WDR47: variants seen among roughly 807,000 people sequenced by gnomAD.
The protein encoded by WDR47 is WD repeat domain 47, also known as WD repeat-containing protein 47.
WDR47 carries 32 observed loss-of-function variants against 97.2 expected under a neutral mutation model. The observed-to-expected ratio is 0.33, with a 90% CI of 0.25 to 0.44. The LOEUF (loss-of-function observed/expected upper bound fraction) is 0.44, where lower values mean the gene tolerates loss of function less well. Among genes scored for constraint, WDR47 ranks in the 20% least tolerant of loss-of-function variants. The probability of loss-of-function intolerance (pLI) is 1.00; values close to 1 mark genes in which losing one functional copy is unlikely to be tolerated. For missense variants in WDR47, 782 were observed against 1,102.3 expected, an observed-to-expected ratio of 0.71 and a Z score of 4.11; for synonymous variants, 375 against 373.5, an observed-to-expected ratio of 1.00 and a Z score of -0.05.
Position 109,002,229 on chromosome 1 carries a change from A to G in WDR47, c.1428T>C (p.Leu476=), listed in dbSNP as rs751823156. The change falls in exon 7 of 15, where the codon CTT becomes CTC. Residue 476 remains leucine (L), a synonymous_variant. Transcript: ENST00000369962. ...AAAGTGATTAGAAGACCAACCTATT[A>G]AGGAACTGTTCAGTAAGATTCTGCT... ...DQQQNLTEQF[L]NRSIQKLGEL... 5 of 1,583,902 alleles carry G rather than the reference A, an allele frequency of 3.2e-6. 1 individual carries two copies. The South Asian group carries it at 5.9e-5, about 19-fold the overall frequency.
chr1:109,028,996 G>C (rs1037353002), intron 1 of WDR47, among the ~76,000 whole-genome samples: 12 of 151,936 alleles, frequency 7.9e-5, no homozygotes, highest in Non-Finnish European at 1.8e-4. Context: ...ATCCAGACTA[G>C]GTAAAGAAAT....
intron 1 of WDR47, among the ~76,000 whole-genome samples, chr1:109,040,593 TATA>T (rs1175696567): frequency 6.6e-6 from 1 of 152,138 alleles, no homozygotes; most frequent in Non-Finnish European, 1.5e-5. Flanking sequence ...TACCTAACAA[TATA>T]CTGTTGTGAC....
At chr1:108,976,106 A>G (rs1003330322) in intron 13 of WDR47, among the ~76,000 whole-genome samples, 3 of 152,222 alleles carry the variant, frequency 2.0e-5, no homozygotes, top group African/African-American at 7.2e-5. Flanking sequence ...TAGGTTTCTA[A>G]GCAAGAGAAT....
chr1:108,980,006 A>C (rs1400192155), intron 13 of WDR47, among the ~76,000 whole-genome samples: 1 of 152,098 alleles, frequency 6.6e-6, no homozygotes. Context: ...TGCTCACAGG[A>C]GCGGGAACCC....
intron 1 of WDR47, among the ~76,000 whole-genome samples, chr1:109,035,828 T>TC (rs1557968552): frequency 1.3e-5 from 2 of 151,656 alleles, no homozygotes. Context: ...TTTTTTTTTT[T>TC]TTAAGAGAAG....
chr1:109,025,323 C>T (rs1472294683), intron 1 of WDR47, among the ~76,000 whole-genome samples: 2 of 151,270 alleles, frequency 1.3e-5, no homozygotes, highest in East Asian at 3.9e-4. Context: ...TCCAGTTACT[C>T]AGGAGGCTGA....
chr1:108,977,602 A>G (rs1183529417), intron 13 of WDR47, among the ~76,000 whole-genome samples: 1 of 152,184 alleles, frequency 6.6e-6, no homozygotes, highest in Non-Finnish European at 1.5e-5. Context: ...CTATAATCCC[A>G]GTACTTTGGG....
At chr1:109,006,420 G>C (rs188212396) in intron 5 of WDR47, among the ~76,000 whole-genome samples, 1 of 152,154 alleles carries the variant, frequency 6.6e-6, no homozygotes, top group Non-Finnish European at 1.5e-5. Context: ...GGAGTTTTTT[G>C]GCTACCAGAC....
chr1:108,985,338 T>G (rs1557920506), intron 10 of WDR47, among the ~76,000 whole-genome samples: 2 of 152,218 alleles, frequency 1.3e-5, no homozygotes, highest in Non-Finnish European at 2.9e-5. Context: ...TCCCTCTATA[T>G]TATTCTCTTC....
chr1:109,019,040 C>G (rs921466185), intron 2 of WDR47, among the ~76,000 whole-genome samples: 1 of 152,006 alleles, frequency 6.6e-6, no homozygotes. Context: ...TCCACTCCAG[C>G]CTGGCAGCCT....
chr1:109,036,376 ATCC>A (rs1267170104), intron 1 of WDR47, among the ~76,000 whole-genome samples: 5 of 151,986 alleles, frequency 3.3e-5, no homozygotes, highest in African/African-American at 9.7e-5. Context: ...GATCCAGACC[ATCC>A]TGGCCAACAT....
At chr1:109,040,817 TC>T (rs973803115) in intron 1 of WDR47, among the ~76,000 whole-genome samples, 3 of 152,180 alleles carry the variant, frequency 2.0e-5, no homozygotes. Context: ...ACAAAAAAAT[TC>T]TACTTGAATT....
At chr1:108,996,276 T>G (rs1451961978) in intron 7 of WDR47, among the ~76,000 whole-genome samples, 1 of 152,146 alleles carries the variant, frequency 6.6e-6, no homozygotes, top group Non-Finnish European at 1.5e-5. Context: ...GATTGGTCCT[T>G]AACTCCTGGG....
chr1:108,970,803 T>A lies in WDR47; in HGVS notation c.*627A>T, dbSNP rs1298519832. ...TTATATGACAAAATAATCATATCCC[T>A]GGGTTTAAGAAAAAAGGGCCTATAC... On this transcript the variant is annotated 3_prime_UTR_variant, in exon 15 of 15. Transcript: ENST00000369962. 1.3e-5 allele frequency: 2 copies of A among 152,466 alleles called. No homozygotes were observed. Among genetic ancestry groups the A allele is most frequent in the African/African-American group, 4.8e-5 (2 of 41,464 alleles). 9.4% of individuals were successfully genotyped at this position (152,466 alleles called of 1,614,324 possible).
chr1:109,036,697 G>A (rs142187706), intron 1 of WDR47, among the ~76,000 whole-genome samples: 4,740 of 151,860 alleles, frequency 0.031, 104 homozygotes, highest in East Asian at 0.11. Context: ...TTAGCTGGGC[G>A]TGGTGGCAGG....
At chr1:109,019,372 G>A (rs1661650236) in intron 2 of WDR47, among the ~76,000 whole-genome samples, 1 of 130,704 alleles carries the variant, frequency 7.7e-6, no homozygotes, top group East Asian at 2.2e-4. Context: ...GACAGAGTGA[G>A]ACTCTGTCTC....
At chr1:109,000,508 CAAA>C (rs71069634) in intron 7 of WDR47, among the ~76,000 whole-genome samples, 2 of 70,510 alleles carry the variant, frequency 2.8e-5, no homozygotes, top group Non-Finnish European at 4.8e-5. Context: ...GACTCTGTCT[CAAA>C]AAAAAAAAAA....
At chr1:109,021,395 G>C (rs1225770764) in intron 2 of WDR47, among the ~76,000 whole-genome samples, 1 of 152,014 alleles carries the variant, frequency 6.6e-6, no homozygotes, top group Non-Finnish European at 1.5e-5. Flanking sequence ...GGACGTGGTG[G>C]TGTGCACCTG....
intron 6 of WDR47, among the ~76,000 whole-genome samples, chr1:109,004,044 CA>C (rs1364122635): frequency 1.3e-5 from 2 of 152,042 alleles, no homozygotes; most frequent in Non-Finnish European, 2.9e-5. Context: ...GTGGGCGGAT[CA>C]CGAGGTCAGG....
Sources: allele counts gnomAD v4.1 joint callset (sites outside exome capture counted in the v4.1 genomes callset), GRCh38; gene constraint gnomAD v4.1.1; transcripts MANE v1.5; gene names NCBI Gene and HGNC (gene_info 2026-07-23, HGNC 2026-07-21).